The following CCDC88C variants were observed in gnomAD, a reference collection of about 807,000 sequenced individuals.
CCDC88C encodes protein Daple.
Under a neutral mutation model 198.8 loss-of-function variants are expected in CCDC88C, and 131 were observed. The ratio of observed to expected loss-of-function variants is 0.66; its 90% CI spans 0.57 to 0.76. The LOEUF is 0.76. CCDC88C is among the 30% of genes least tolerant of loss of function. The pLI, the probability that CCDC88C is intolerant of heterozygous loss-of-function variation, is 0.00. For missense variants in CCDC88C, 2,553 were observed against 2,631.6 expected (o/e 0.97, Z 0.65); for synonymous variants, 1,166 against 1,114.7 (o/e 1.05, Z -0.92).
At chr14:91,369,749 G>A (rs1490702683) in intron 3 of CCDC88C, among the ~76,000 whole-genome samples, 1 of 152,154 alleles carries the variant, frequency 6.6e-6, no homozygotes, top group African/African-American at 2.4e-5. Flanking sequence ...ATGTTACGAG[G>A]CTGTCATGTA....
intron 2 of CCDC88C, among the ~76,000 whole-genome samples, chr14:91,414,682 G>A (rs1032399408): frequency 5.3e-5 from 8 of 152,108 alleles, no homozygotes; most frequent in Non-Finnish European, 1.2e-4. Flanking sequence ...TCCTCATTCT[G>A]GAAAGCCAGC....
chr14:91,281,259 G>A (rs868827552), intron 27 of CCDC88C, 198 bp downstream of exon 27: 6 of 1,385,898 alleles, frequency 4.3e-6, no homozygotes, highest in Admixed American at 2.0e-5. Flanking sequence ...GGGAGGTAGC[G>A]AATTCCCCAC....
At chr14:91,351,723 G>A (rs1431277126) in intron 4 of CCDC88C, among the ~76,000 whole-genome samples, 2 of 152,182 alleles carry the variant, frequency 1.3e-5, no homozygotes, top group African/African-American at 4.8e-5. Context: ...AATGGTGCAG[G>A]AGCCTCCCGG....
In CCDC88C at chr14:91,317,705, C is replaced by T. The variant is rs370113290; in HGVS notation, c.1528-1918G>A. ...ACAGCCCTGCCTGCAAACAGCGGCC[C>T]CTCCCTTCCGGCGCCCCCACGACCA... On this transcript the variant is annotated intron_variant, in intron 13 of 29. Transcript: ENST00000389857. Among the ~76,000 whole-genome samples the T allele has an allele frequency of 2.6e-5, 4 of 152,328 alleles. No individual in the cohort carries two copies. The South Asian group carries it at 8.3e-4, about 32-fold the overall frequency.
At chr14:91,277,871 A>C in intron 29 of CCDC88C, 51 bp downstream of exon 29, 15 of 1,447,404 alleles carry the variant, frequency 1.0e-5, no homozygotes, top group Non-Finnish European at 1.4e-5. Flanking sequence ...TGAGCCAGGA[A>C]GAGACAGAGA....
At chr14:91,333,380 C>A (rs1283656934) in intron 10 of CCDC88C, among the ~76,000 whole-genome samples, 1 of 152,128 alleles carries the variant, frequency 6.6e-6, no homozygotes, top group East Asian at 1.9e-4. Flanking sequence ...AAATTTATGT[C>A]CAAAGAAAGG....
rs558014740 is a variant in CCDC88C, at chr14:91,380,063, C to T, written c.271-20352G>A. ...CAGGGGTGTCTCCCTTGCCAGCTTC[C>T]GGAGCAGGGTCCTGAGACAGTCAGG... On this transcript the variant is annotated intron_variant, in intron 3 of 29. Coordinates refer to ENST00000389857, the MANE Select transcript of CCDC88C (RefSeq NM_001080414.4). 8.5e-5 allele frequency among the ~76,000 whole-genome samples: 13 copies of T among 152,264 alleles called. No individual in the cohort carries two copies. The South Asian group carries it at 2.1e-3, about 24-fold the overall frequency.
intron 12 of CCDC88C, among the ~76,000 whole-genome samples, chr14:91,322,656 T>C (rs1384986408): frequency 6.6e-6 from 1 of 152,124 alleles, no homozygotes; most frequent in Non-Finnish European, 1.5e-5. Context: ...TACAGAAAAA[T>C]ATATTTAAAA....
chr14:91,324,222 T>C (rs12147141), intron 12 of CCDC88C, among the ~76,000 whole-genome samples: 58,432 of 152,152 alleles, frequency 0.38, 13,965 homozygotes, highest in Non-Finnish European at 0.51. Context: ...CGCGGGGCAG[T>C]GGGCAGCAGA....
At position 91,281,539 on chromosome 14, in the gene CCDC88C, A is replaced by G. The variant is rs774140533; in HGVS notation, c.4631-14T>C. 3.1e-6 allele frequency: 5 copies of G among 1,612,846 alleles called. No individual in the cohort carries two copies. Among genetic ancestry groups the G allele is most frequent in the Non-Finnish European group, 4.2e-6 (5 of 1,178,984 alleles). On this transcript the variant is annotated splice_polypyrimidine_tract_variant and intron_variant, in intron 26 of 29. Coordinates refer to ENST00000389857, the MANE Select transcript of CCDC88C (RefSeq NM_001080414.4). The stretch of plus-strand genomic sequence containing the variant: ...CTGAGTTATAGCCTAAGGTGAAAAT[A>G]AGGCTAGTGAGTCATGGTTACGGAA...
Position 91,339,090 on chromosome 14 carries a change from C to A in CCDC88C, c.809+188G>T. 1.4e-6 allele frequency: 1 copy of A among 706,558 alleles called. No individual in the cohort carries two copies. The highest frequency in any genetic ancestry group is 2.5e-6 in the Non-Finnish European group (1 of 398,390). 43.8% of individuals were successfully genotyped at this position (706,558 alleles called of 1,614,324 possible). ...GACCGGGAAGAATCCCCGCCCCCAT[C>A]CCTGTGCAGGCCTCAGAAGGGGAGG... On this transcript the variant is annotated intron_variant, in intron 8 of 29. Coordinates refer to ENST00000389857, the MANE Select transcript of CCDC88C (RefSeq NM_001080414.4). This position sits in a 1 kb window ranked among gnomAD's most constrained non-coding sequence, Gnocchi z 5.8.
rs561318492 is a variant in CCDC88C, at chr14:91,348,534, T to C, written c.341-4877A>G. On this transcript the variant is annotated intron_variant, in intron 4 of 29. Transcript: ENST00000389857. ...AAAACAAACAACACTCCGAGGCTGT[T>C]TGGTGACAGAGCAAACGGTTCTACT... Among the ~76,000 whole-genome samples, 26 of 152,084 alleles carry C rather than the reference T, an allele frequency of 1.7e-4. No individual in the cohort carries two copies. In the South Asian group the frequency reaches 5.2e-3, roughly 30 times the overall value.
Position 91,338,773 on chromosome 14 carries a change from T to A in CCDC88C, c.810-203A>T. 1.7e-6 allele frequency: 1 copy of A among 575,212 alleles called. No homozygotes were observed. Among genetic ancestry groups the A allele is most frequent in the South Asian group, 2.0e-5 (1 of 48,872 alleles). The allele number at this position is 575,212 out of a possible 1,614,324, so 35.6% of individuals were successfully genotyped here. A position where few individuals can be genotyped will look rare whatever the true frequency, so the allele number is the denominator to read the frequency against. On this transcript the variant is annotated intron_variant, in intron 8 of 29. Transcript: ENST00000389857. This position sits in a 1 kb window ranked among gnomAD's most constrained non-coding sequence, Gnocchi z 4.8. ...TTTCATAAGTTTGCAACACCGGCCCTTAAACTATGTCCATCCGCCACTCAG... is the reference window on the plus strand; with the variant it reads ...TTTCATAAGTTTGCAACACCGGCCCATAAACTATGTCCATCCGCCACTCAG...
At chr14:91,388,578 G>A (rs927406535) in intron 3 of CCDC88C, among the ~76,000 whole-genome samples, 3 of 152,230 alleles carry the variant, frequency 2.0e-5, no homozygotes, top group Admixed American at 2.0e-4. Flanking sequence ...CTGCTGCCCA[G>A]AGCTTAACTC....
chr14:91,342,394 C>A lies in CCDC88C; in HGVS notation c.469G>T (p.Ala157Ser). 6.3e-7 allele frequency: 1 copy of A among 1,591,570 alleles called. No individual in the cohort carries two copies. Residue 157 changes from alanine (A) to serine (S), a missense_variant, in exon 6 of 30, where the codon GCC becomes TCC. Ala to Ser is a moderately conservative substitution (Grantham distance 99, BLOSUM62 1). This residue lies in a region of CCDC88C where 1,260 missense variants were observed against 1,412.0 expected (regional missense o/e 0.89). Transcript: ENST00000389857. ...CACGCACCTACCTCCTGGATATGGG[C>A]CACGATGCCAGCCTGGGTCTCAATG... ...LDIETQAGIV[A>S]HIQEVTHNQE... is the part of the protein sequence containing the mutation.
At chr14:91,342,733 C>T (rs1393474922) in intron 5 of CCDC88C, among the ~76,000 whole-genome samples, 1 of 152,214 alleles carries the variant, frequency 6.6e-6, no homozygotes, top group East Asian at 1.9e-4. Context: ...GGGTGGAACA[C>T]AGAACGCTTC....
At chr14:91,307,373 T>C in intron 17 of CCDC88C, 147 bp from the exon 18 acceptor site, 1 of 644,984 alleles carries the variant, frequency 1.6e-6, no homozygotes, top group Non-Finnish European at 2.6e-6. Context: ...ACGCGCTCCT[T>C]TTCTTTTGAG....
intron 10 of CCDC88C, among the ~76,000 whole-genome samples, chr14:91,329,723 G>A (rs946880648): frequency 6.6e-6 from 1 of 152,220 alleles, no homozygotes; most frequent in Admixed American, 6.5e-5. Flanking sequence ...GGGAGGAACT[G>A]CCAGTGGCTG....
chr14:91,354,496 T>C (rs1893955508), intron 4 of CCDC88C, among the ~76,000 whole-genome samples: 1 of 152,216 alleles, frequency 6.6e-6, no homozygotes, highest in Non-Finnish European at 1.5e-5. Context: ...GCTGTGCAGC[T>C]GGCAAGATGG....
Sources: gnomAD v4.1 joint callset for allele counts (sites outside exome capture counted in the v4.1 genomes callset) on GRCh38, gnomAD v4.1.1 for gene constraint, gnomAD v4.1.1 regional missense constraint, Gnocchi (gnomAD v3.1) non-coding constraint, MANE v1.5 for transcripts, NCBI Gene and HGNC (gene_info 2026-07-23, HGNC 2026-07-21) for gene names.